The following CCNF variants were observed in gnomAD, a reference collection of about 807,000 sequenced individuals.
CCNF encodes the protein cyclin-F.
Under a neutral mutation model 85.4 loss-of-function variants are expected in CCNF, and 30 were observed. The ratio of observed to expected loss-of-function variants is 0.35; its 90% CI spans 0.26 to 0.48. CCNF has a LOEUF of 0.48. Among genes scored for constraint, CCNF ranks in the 20% least tolerant of loss-of-function variants. CCNF has a pLI of 0.99. For missense variants in CCNF, 919 were observed against 1,010.4 expected (o/e 0.91, Z 1.23); for synonymous variants, 439 against 425.1 (o/e 1.03, Z -0.40).
intron 8 of CCNF, 56 bp downstream of exon 8, chr16:2,439,882 G>A (rs1041586160): frequency 1.4e-6 from 2 of 1,475,794 alleles, no homozygotes; most frequent in African/African-American, 2.8e-5. Context: ...TCCAGCCTTG[G>A]GGCAGGACTA....
chr16:2,443,281 A>G (rs1332011345), intron 8 of CCNF, among the ~76,000 whole-genome samples: 1 of 150,266 alleles, frequency 6.7e-6, no homozygotes, highest in African/African-American at 2.5e-5. Flanking sequence ...TGAAGCTGTG[A>G]TGAGGCAGGT....
intron 9 of CCNF, 82 bp downstream of exon 9, chr16:2,443,882 C>T (rs2065346301): frequency 1.0e-5 from 14 of 1,356,122 alleles, no homozygotes; most frequent in African/African-American, 1.5e-5. Flanking sequence ...CCACTTAACC[C>T]CAGTTACCTG....
At chr16:2,445,157 G>GT (rs2065354565) in intron 9 of CCNF, among the ~76,000 whole-genome samples, 1 of 152,186 alleles carries the variant, frequency 6.6e-6, no homozygotes, top group South Asian at 2.1e-4. Context: ...TTCATCCACT[G>GT]TGGGCAGACC....
Position 2,438,095 on chromosome 16 carries a change from G to C in CCNF, c.566G>C (p.Cys189Ser). The C allele has an allele frequency of 6.2e-7, 1 of 1,612,474 alleles. No homozygotes were observed. Among genetic ancestry groups the C allele is most frequent in the South Asian group, 1.1e-5 (1 of 91,028 alleles). Residue 189 changes from cysteine (C) to serine (S), a missense_variant, in exon 6 of 17, where the codon TGC (cysteine) becomes TCC (serine). Physicochemically the swap from Cys to Ser is moderately radical, Grantham distance 112. This residue lies in a region of CCNF where 410 missense variants were observed against 478.6 expected (regional missense o/e 0.86). Coordinates refer to ENST00000397066, the MANE Select transcript of CCNF (RefSeq NM_001761.3). Reference sequence around the variant, plus strand: ...ACTCACAAAGCATCCATATTGCACTGCTTGGGCAGAGTGCTGAGTCTGTTC... The same window carrying C: ...ACTCACAAAGCATCCATATTGCACTCCTTGGGCAGAGTGCTGAGTCTGTTC... Reference protein sequence around the residue: ...QRTHKASILHCLGRVLSLFED... With the variant: ...QRTHKASILHSLGRVLSLFED...
chr16:2,442,087 G>A (rs2065326408), intron 8 of CCNF, among the ~76,000 whole-genome samples: 1 of 144,870 alleles, frequency 6.9e-6, no homozygotes. Context: ...CTCACCACAA[G>A]CTCCGCCTCC....
intron 9 of CCNF, 85 bp from the exon 10 acceptor site, chr16:2,445,373 C>A (rs542748372): frequency 1.4e-6 from 2 of 1,457,510 alleles, no homozygotes; most frequent in Non-Finnish European, 1.9e-6. Context: ...CTTATTTGGT[C>A]GGGCCCAACA....
At chr16:2,445,411 A>T in intron 9 of CCNF, 47 bp from the exon 10 acceptor site, 1 of 1,604,790 alleles carries the variant, frequency 6.2e-7, no homozygotes, top group Admixed American at 1.7e-5. Flanking sequence ...AGACAGGGAC[A>T]CATGGAGAAC....
chr16:2,455,683 G>A (rs1351614983), intron 16 of CCNF, 119 bp downstream of exon 16: 12 of 1,405,532 alleles, frequency 8.5e-6, no homozygotes, highest in South Asian at 3.4e-5. Context: ...CACAGAGTGC[G>A]GGGTGGGGCC....
chr16:2,453,041 AGG>A lies in CCNF; in HGVS notation c.1488-168_1488-167del. 8.0e-6 allele frequency: 5 copies of A among 625,814 alleles called. No individual in the cohort carries two copies. The highest frequency in any genetic ancestry group is 3.8e-4 in the Middle Eastern group (1 of 2,620). 38.8% of individuals were successfully genotyped at this position (625,814 alleles called of 1,614,324 possible). A position where few individuals can be genotyped will look rare whatever the true frequency, so the allele number is the denominator to read the frequency against. On this transcript the variant is annotated intron_variant, in intron 13 of 16. Transcript: ENST00000397066. The surrounding 1 kb of genome is among the most constrained non-coding windows in gnomAD (Gnocchi z 5.6). ...CTTTTTCCTGGGTCTTTACCTAGAGAGGAATTGCTAGGTCCTGTGGTGACTGA... is the reference window on the plus strand; with the variant it reads ...CTTTTTCCTGGGTCTTTACCTAGAGAAATTGCTAGGTCCTGTGGTGACTGA...
At chr16:2,450,546 C>T (rs2065389037) in intron 13 of CCNF, among the ~76,000 whole-genome samples, 1 of 151,086 alleles carries the variant, frequency 6.6e-6, no homozygotes, top group African/African-American at 2.4e-5. Context: ...TTTCTTATCT[C>T]ACACATTTTT....
chr16:2,434,784 T>C (rs897748528), intron 3 of CCNF, among the ~76,000 whole-genome samples: 1 of 152,160 alleles, frequency 6.6e-6, no homozygotes, highest in African/African-American at 2.4e-5. Flanking sequence ...TCCTGGAAAC[T>C]CTAGACAACC....
intron 9 of CCNF, among the ~76,000 whole-genome samples, chr16:2,444,552 C>T (rs370623539): frequency 1.7e-3 from 251 of 146,448 alleles, no homozygotes; most frequent in African/African-American, 5.9e-3. Context: ...CGCCTGCCTC[C>T]GCCTCCCAAA....
chr16:2,434,978 A>C (rs2065280585), intron 3 of CCNF, among the ~76,000 whole-genome samples: 1 of 151,898 alleles, frequency 6.6e-6, no homozygotes, highest in African/African-American at 2.4e-5. Context: ...TGTTCGACCG[A>C]GCGTGGTGGC....
At chr16:2,433,131 G>A in intron 3 of CCNF, 64 bp downstream of exon 3, 1 of 997,956 alleles carries the variant, frequency 1.0e-6, no homozygotes, top group Non-Finnish European at 1.6e-6. Context: ...GTGCCAGTCT[G>A]TGTCTCACGG....
At chr16:2,429,779 C>A (rs1294132433) in intron 1 of CCNF, among the ~76,000 whole-genome samples, 1 of 141,290 alleles carries the variant, frequency 7.1e-6, no homozygotes, top group African/African-American at 3.2e-5. Context: ...GGCAGCGATC[C>A]GGCGATCGGG....
chr16:2,445,546 C>T lies in CCNF; in HGVS notation c.1018C>T (p.Arg340Trp), dbSNP rs139587469. 2.1e-5 allele frequency: 34 copies of T among 1,613,914 alleles called. No individual in the cohort carries two copies. The highest frequency in any genetic ancestry group is 3.3e-5 in the South Asian group (3 of 91,080). Residue 340 changes from arginine (R) to tryptophan (W), a missense_variant, in exon 10 of 17, where the codon CGG becomes TGG. Coordinates refer to ENST00000397066, the MANE Select transcript of CCNF (RefSeq NM_001761.3). ...CLHLTVECVDRYLRRRLVPRY... is the reference protein window; with the variant it reads ...CLHLTVECVDWYLRRRLVPRY... ...GCACCTGACCGTGGAGTGTGTGGACCGGTACCTGCGGAGGAGGCTGGTGCC... is the reference window on the plus strand; with the variant it reads ...GCACCTGACCGTGGAGTGTGTGGACTGGTACCTGCGGAGGAGGCTGGTGCC...
In CCNF at chr16:2,453,520, G is replaced by A. The variant is rs751348046; in HGVS notation, c.1698G>A (p.Ser566=). The A allele has an allele frequency of 2.5e-5, 40 of 1,613,886 alleles. 1 individual carries two copies. Among genetic ancestry groups the A allele is most frequent in the South Asian group, 1.1e-4 (10 of 91,086 alleles). The change falls in exon 15 of 17, where the codon TCG becomes TCA. Residue 566 remains serine (S), a synonymous_variant. Coordinates refer to ENST00000397066, the MANE Select transcript of CCNF (RefSeq NM_001761.3). The surrounding 1 kb of genome is among the most constrained non-coding windows in gnomAD (Gnocchi z 5.6). ...GEIHAFLSSP[S]GRRTKRKREN... The stretch of plus-strand genomic sequence containing the variant: ...TCCACGCCTTCCTCAGCTCTCCCTC[G>A]GGGCGGAGAACCAAACGGTTAGTTA...
chr16:2,437,300 G>A lies in CCNF; in HGVS notation c.518G>A (p.Arg173Lys), dbSNP rs576017988. 6.3e-6 allele frequency: 10 copies of A among 1,598,376 alleles called. No individual in the cohort carries two copies. The African/African-American group carries it at 1.2e-4, about 19-fold the overall frequency. ...CCKAVVHESL[R>K]AECQLQRTHK... ...AAGGCCGTGGTTCACGAGAGCCTCA[G>A]GGCAGAGTGCCAGCTGCAGAGGGTG... The change falls in exon 5 of 17, where the codon AGG (arginine) becomes AAG (lysine). Residue 173 changes from arginine to lysine, a missense_variant. Arg to Lys is a conservative substitution (Grantham distance 26). Around this residue, in one of 3 missense-constraint regions of CCNF, gnomAD observed 410 missense variants for 478.6 expected, o/e 0.86. Transcript: ENST00000397066.
Position 2,445,724 on chromosome 16 carries a change from G to GTTT in CCNF, c.1094+103_1094+104insTTT. The GTTT allele has an allele frequency of 3.1e-4, 239 of 782,452 alleles. 1 individual carries two copies. The highest frequency in any genetic ancestry group is 3.9e-4 in the Middle Eastern group (1 of 2,534). The allele number at this position is 782,452 out of a possible 1,614,324, so 48.5% of individuals were successfully genotyped here. On this transcript the variant is annotated intron_variant, in intron 10 of 16. Transcript: ENST00000397066. ...CTCCTCACTGGTTTGGTTTTGTTTT[G>GTTT]TGTTGTTTTTTTTTTTTTCCCGAGA...
Sources: gnomAD v4.1 joint callset for allele counts (sites outside exome capture counted in the v4.1 genomes callset) on GRCh38, gnomAD v4.1.1 for gene constraint, gnomAD v4.1.1 regional missense constraint, Gnocchi (gnomAD v3.1) non-coding constraint, MANE v1.5 for transcripts, NCBI Gene and HGNC (gene_info 2026-07-23, HGNC 2026-07-21) for gene names.